RREB1: variants seen among roughly 807,000 people sequenced by gnomAD.
RREB1 encodes the protein ras-responsive element-binding protein 1.
In RREB1, 27 loss-of-function variants were observed where a neutral mutation model predicts 117.8. That is an observed-to-expected ratio of 0.23 (90% CI 0.17 to 0.32). RREB1 has a LOEUF of 0.32. Among genes scored for constraint, RREB1 ranks in the 10% least tolerant of loss-of-function variants. RREB1 has a pLI of 1.00. For synonymous variants in RREB1, 1,298 were observed against 1,026.7 expected, an observed-to-expected ratio of 1.26 and a Z score of -5.05; for missense variants, 2,577 against 2,378.2, an observed-to-expected ratio of 1.08 and a Z score of -1.74.
Position 7,248,855 on chromosome 6 carries a change from C to T in RREB1, c.5116C>T (p.Pro1706Ser), listed in dbSNP as rs762021349. ...PSEPGQGDLN[P>S]ESPAALGQDL... ...TGAGCCTGGCCAGGGTGACCTTAAC[C>T]CAGAGAGCCCGGCGGCCCTGGGGCA... The change falls in exon 13 of 13, where the codon CCA becomes TCA. Residue 1706 changes from proline (P) to serine (S), a missense_variant. Coordinates refer to ENST00000379938, the MANE Select transcript of RREB1 (RefSeq NM_001003699.4). 1 of 1,606,004 alleles carries T rather than the reference C, an allele frequency of 6.2e-7. No individual in the cohort carries two copies. Among genetic ancestry groups the T allele is most frequent in the Middle Eastern group, 1.7e-4 (1 of 5,890 alleles).
At chr6:7,212,428 A>C (rs970869226) in intron 8 of RREB1, 2 of 152,232 alleles carry the variant, frequency 1.3e-5, no homozygotes, top group Non-Finnish European at 2.9e-5. Context: ...CTTCTCTGAT[A>C]ACTCATCAGG....
intron 11 of RREB1, among the ~76,000 whole-genome samples, chr6:7,243,690 C>T (rs1185641950): frequency 6.6e-6 from 1 of 152,048 alleles, no homozygotes; most frequent in Non-Finnish European, 1.5e-5. Flanking sequence ...ACAACCAAGC[C>T]CCCTGTGTCC....
At position 7,114,928 on chromosome 6, in the gene RREB1, G is replaced by A. The variant is rs570470547; in HGVS notation, c.-285+6868G>A. Among the ~76,000 whole-genome samples the A allele has an allele frequency of 1.2e-3, 184 of 152,062 alleles. 2 individuals carry two copies. Among genetic ancestry groups the A allele is most frequent in the Non-Finnish European group, 2.0e-3 (136 of 68,004 alleles). ...CCCAGTCACCTCTTCAGTTATTTGG[G>A]AAACTTGCTCTGGTGCTGTCATCTG... is the stretch of plus-strand genomic sequence containing the variant. On this transcript the variant is annotated intron_variant, in intron 1 of 12. Coordinates refer to ENST00000379938, the MANE Select transcript of RREB1 (RefSeq NM_001003699.4).
intron 1 of RREB1, among the ~76,000 whole-genome samples, chr6:7,121,945 A>C (rs1025420161): frequency 1.3e-5 from 2 of 152,114 alleles, no homozygotes; most frequent in Non-Finnish European, 2.9e-5. Context: ...CCACTCAGCA[A>C]GTGGTTGTCA....
chr6:7,128,289 T>C (rs922187620), intron 1 of RREB1, among the ~76,000 whole-genome samples: 3 of 152,174 alleles, frequency 2.0e-5, no homozygotes, highest in Non-Finnish European at 2.9e-5. Flanking sequence ...TGTTTTTTCA[T>C]GTGTTCTCGC....
intron 12 of RREB1, among the ~76,000 whole-genome samples, chr6:7,247,511 G>A (rs1769160711): frequency 6.6e-6 from 1 of 152,158 alleles, no homozygotes; most frequent in African/African-American, 2.4e-5. Context: ...TCTGTAGAGT[G>A]GGGGTAACAG....
At chr6:7,144,703 C>T (rs771969812) in intron 1 of RREB1, among the ~76,000 whole-genome samples, 5 of 151,106 alleles carry the variant, frequency 3.3e-5, no homozygotes, top group African/African-American at 1.2e-4. Context: ...TTTACATATT[C>T]AACAACTGGT....
rs747969255 is a variant in RREB1 at position 7,230,432 on chromosome 6, G to A, written c.2333G>A (p.Arg778His). ...ATCCACATGCGCACGCACTGCGGCC[G>A]CGGCCTGGGCGGGGGCCACAAGGGC... Reference protein sequence around the residue: ...LRIHMRTHCGRGLGGGHKGRK... With the variant: ...LRIHMRTHCGHGLGGGHKGRK... The change falls in exon 10 of 13, where the codon CGC becomes CAC. Residue 778 changes from arginine (R) to histidine (H), a missense_variant. Physicochemically the swap from Arg to His is conservative, Grantham distance 29. Coordinates refer to ENST00000379938, the MANE Select transcript of RREB1 (RefSeq NM_001003699.4). 4.1e-5 allele frequency: 66 copies of A among 1,590,678 alleles called. No individual in the cohort carries two copies. The highest frequency in any genetic ancestry group is 5.4e-5 in the African/African-American group (4 of 74,672).
intron 1 of RREB1, among the ~76,000 whole-genome samples, chr6:7,110,724 A>G (rs902950731): frequency 6.6e-5 from 10 of 152,224 alleles, no homozygotes; most frequent in Admixed American, 2.0e-4. Flanking sequence ...TTTTAGGTTA[A>G]TGAACTTGCA....
rs774180539 is a variant in RREB1 at position 7,228,991 on chromosome 6, A to G, written c.898-6A>G. 72 of 1,514,364 alleles carry G rather than the reference A, an allele frequency of 4.8e-5. No homozygotes were observed. Among genetic ancestry groups the G allele is most frequent in the Middle Eastern group, 3.6e-4 (2 of 5,554 alleles). The allele number at this position is 1,514,364 out of a possible 1,614,324, so 93.8% of individuals were successfully genotyped here. A position where few individuals can be genotyped will look rare whatever the true frequency, so the allele number is the denominator to read the frequency against. ...TCCCTTGCTTTTACCGGTGGGTTCT[A>G]TATAGGCCTGGTGCGAAACAAACCT... On this transcript the variant is annotated splice_polypyrimidine_tract_variant and splice_region_variant and intron_variant, in intron 9 of 12. Coordinates refer to ENST00000379938, the MANE Select transcript of RREB1 (RefSeq NM_001003699.4).
At chr6:7,163,443 G>A (rs1344252771) in intron 1 of RREB1, among the ~76,000 whole-genome samples, 2 of 152,048 alleles carry the variant, frequency 1.3e-5, no homozygotes, top group Non-Finnish European at 2.9e-5. Flanking sequence ...CCAGGCTGGA[G>A]TGCAATGGTG....
intron 8 of RREB1, among the ~76,000 whole-genome samples, chr6:7,226,149 C>T (rs376654612): frequency 1.8e-4 from 28 of 152,260 alleles, no homozygotes; most frequent in African/African-American, 6.5e-4. Flanking sequence ...GAGGCGAGAG[C>T]GAGCAGGTCG....
At chr6:7,228,933 T>G in intron 9 of RREB1, 64 bp from the exon 10 acceptor site, 1 of 1,381,212 alleles carries the variant, frequency 7.2e-7, no homozygotes, top group Non-Finnish European at 9.6e-7. Context: ...TGCATCTCCG[T>G]TTAGTGATTA....
rs1325776896 is a variant in RREB1 at position 7,236,941 on chromosome 6, C to T, written c.3809-3497C>T. Among the ~76,000 whole-genome samples, 10 of 124,472 alleles carry T rather than the reference C, an allele frequency of 8.0e-5. No individual in the cohort carries two copies. In the South Asian group the frequency reaches 2.8e-3, roughly 35 times the overall value. 81.7% of individuals were successfully genotyped at this position (124,472 alleles called of 152,430 possible). On this transcript the variant is annotated intron_variant, in intron 10 of 12. Coordinates refer to ENST00000379938, the MANE Select transcript of RREB1 (RefSeq NM_001003699.4). ...ACAAGCTCTCACCCTGTCACCCAAGCTAGAGTGCCTGTGTGCACCCTGGCT... is the reference window on the plus strand; with the variant it reads ...ACAAGCTCTCACCCTGTCACCCAAGTTAGAGTGCCTGTGTGCACCCTGGCT...
At chr6:7,175,066 C>T (rs991910791) in intron 1 of RREB1, among the ~76,000 whole-genome samples, 1 of 151,856 alleles carries the variant, frequency 6.6e-6, no homozygotes, top group African/African-American at 2.4e-5. Flanking sequence ...AGGCTTTGTT[C>T]CTAATGAAAT....
intron 12 of RREB1, 45 bp from the exon 13 acceptor site, chr6:7,248,466 C>A: frequency 7.8e-6 from 12 of 1,545,578 alleles, no homozygotes; most frequent in Non-Finnish European, 1.1e-5. Context: ...GCAGTGGGTA[C>A]TGGTGCCTTT....
intron 1 of RREB1, among the ~76,000 whole-genome samples, chr6:7,165,789 A>G (rs910460032): frequency 1.3e-5 from 2 of 152,008 alleles, no homozygotes; most frequent in Non-Finnish European, 2.9e-5. Context: ...CCGGGTATGA[A>G]AGAGTTTGAA....
intron 3 of RREB1, chr6:7,181,637 T>G: frequency 1.7e-6 from 1 of 594,278 alleles, no homozygotes; most frequent in Non-Finnish European, 2.9e-6. Flanking sequence ...TTGAGTCCTG[T>G]TGGTAGTGCA....
intron 1 of RREB1, among the ~76,000 whole-genome samples, chr6:7,176,195 G>A (rs1282615916): frequency 6.6e-6 from 1 of 152,220 alleles, no homozygotes; most frequent in East Asian, 1.9e-4. Context: ...GGGATTACAG[G>A]CATGAGCCAC....
Sources: allele counts gnomAD v4.1 joint callset (sites outside exome capture counted in the v4.1 genomes callset), GRCh38; gene constraint gnomAD v4.1.1; transcripts MANE v1.5; gene names NCBI Gene and HGNC (gene_info 2026-07-23, HGNC 2026-07-21).